Variants in GPR137B observed in about 807,000 individuals in gnomAD.
GPR137B encodes integral membrane protein GPR137B.
A neutral mutation model predicts 42.5 loss-of-function variants in GPR137B; 42 were observed. The ratio of observed to expected loss-of-function variants is 0.99; its 90% CI spans 0.77 to 1.28. GPR137B has a LOEUF of 1.28. Ranked by LOEUF, GPR137B falls within the 50% of genes most tolerant of loss-of-function variation. GPR137B has a pLI of 0.00. For synonymous variants in GPR137B, 218 were observed against 209.7 expected (o/e 1.04, Z -0.34); for missense variants, 487 against 493.9 (o/e 0.99, Z 0.13).
chr1:236,189,148 G>C (rs1663116826), intron 5 of GPR137B, among the ~76,000 whole-genome samples: 1 of 152,144 alleles, frequency 6.6e-6, no homozygotes, highest in Non-Finnish European at 1.5e-5. Flanking sequence ...TTGTATTTCT[G>C]TGGGATTGGT....
rs1405128961 is a variant in GPR137B, at chr1:236,151,417, C to CCTTTTTTTTTTTTTTTTTT, written c.414+8381_414+8382insCTTTTTTTTTTTTTTTTTT. 5.5e-5 allele frequency among the ~76,000 whole-genome samples: 7 copies of CCTTTTTTTTTTTTTTTTTT among 126,570 alleles called. 1 individual carries two copies. Among genetic ancestry groups the CCTTTTTTTTTTTTTTTTTT allele is most frequent in the African/African-American group, 6.1e-5 (2 of 32,916 alleles). 83.0% of individuals were successfully genotyped at this position (126,570 alleles called of 152,430 possible). A position where few individuals can be genotyped will look rare whatever the true frequency, so the allele number is the denominator to read the frequency against. ...CCACATATGGTCTCTGTTGCATATT[C>CCTTTTTTTTTTTTTTTTTT]ATTTTTTTTTTTTTTTTTTTTTTTT... is the stretch of plus-strand genomic sequence containing the variant. On this transcript the variant is annotated intron_variant, in intron 1 of 6. Transcript: ENST00000366592.
At position 236,208,077 on chromosome 1, in the gene GPR137B, A is replaced by T. The variant is rs1428370314; in HGVS notation, c.1119A>T (p.Gly373=). 1 of 1,613,014 alleles carries T rather than the reference A, an allele frequency of 6.2e-7. No homozygotes were observed. Among genetic ancestry groups the T allele is most frequent in the Admixed American group, 1.7e-5 (1 of 60,002 alleles). Reference sequence around the variant, plus strand: ...TTGCTCCAGATTACTATGATTGGGGACAACAAACTAACAGCTTCCTGGCAC... The same window carrying T: ...TTGCTCCAGATTACTATGATTGGGGTCAACAAACTAACAGCTTCCTGGCAC... ...GGFAPDYYDW[G]QQTNSFLAQA... Residue 373 remains glycine, a synonymous_variant, in exon 7 of 7, where the codon GGA becomes GGT. Coordinates refer to ENST00000366592, the MANE Select transcript of GPR137B (RefSeq NM_003272.4).
intron 2 of GPR137B, among the ~76,000 whole-genome samples, chr1:236,174,217 A>G (rs537099405): frequency 6.6e-6 from 1 of 152,338 alleles, no homozygotes; most frequent in African/African-American, 2.4e-5. Context: ...CTTTCCTAAG[A>G]TAATAACAGG....
rs114076753 is a variant in GPR137B at position 236,207,866 on chromosome 1, G to A, written c.1092-184G>A. ...CTCTAAAGAGTTCAGTAGAGTTGTC[G>A]GTGGGCATTTCAGCCCTGTGTGTAG... On this transcript the variant is annotated intron_variant, in intron 6 of 6. Transcript: ENST00000366592. 9.6e-3 allele frequency among the ~76,000 whole-genome samples: 1,459 copies of A among 152,124 alleles called. 22 individuals are homozygous for A. Among genetic ancestry groups the A allele is most frequent in the African/African-American group, 0.034 (1,400 of 41,490 alleles).
Position 236,142,851 on chromosome 1 carries a change from T to G in GPR137B, c.229T>G (p.Tyr77Asp). The G allele has an allele frequency of 6.2e-7, 1 of 1,614,194 alleles. No individual in the cohort carries two copies. The highest frequency in any genetic ancestry group is 1.3e-5 in the African/African-American group (1 of 75,070). Residue 77 changes from tyrosine (Y) to aspartate (D), a missense_variant, in exon 1 of 7, where the codon TAC becomes GAC. Coordinates refer to ENST00000366592, the MANE Select transcript of GPR137B (RefSeq NM_003272.4). ...GCGTTACCGCCACAAGCGGCTCAGC[T>G]ACCAGAGCGTCTTCCTCTTTCTCTG... Reference protein sequence around the residue: ...VLRYRHKRLSYQSVFLFLCLF... With the variant: ...VLRYRHKRLSDQSVFLFLCLF...
chr1:236,148,631 C>CT (rs1661748306), intron 1 of GPR137B, among the ~76,000 whole-genome samples: 2 of 152,244 alleles, frequency 1.3e-5, no homozygotes, highest in African/African-American at 4.8e-5. Context: ...GGGGTCTGGT[C>CT]TGTTCTGTTC....
intron 2 of GPR137B, among the ~76,000 whole-genome samples, chr1:236,173,290 C>CAAA (rs66639028): frequency 1.2e-4 from 10 of 86,446 alleles, no homozygotes; most frequent in African/African-American, 4.4e-4. Context: ...GACCCTGTCT[C>CAAA]AAAAAAAAAA....
intron 1 of GPR137B, among the ~76,000 whole-genome samples, chr1:236,158,175 A>G (rs1340987918): frequency 6.6e-6 from 1 of 152,166 alleles, no homozygotes; most frequent in African/African-American, 2.4e-5. Context: ...TGTAATCCCA[A>G]CACTTTGAGA....
intron 5 of GPR137B, among the ~76,000 whole-genome samples, chr1:236,195,225 T>C (rs1663299058): frequency 9.8e-6 from 1 of 101,632 alleles, no homozygotes. Flanking sequence ...CTAAAATTCT[T>C]TTTTTTTTTT....
At chr1:236,182,843 A>G (rs897662613) in intron 4 of GPR137B, among the ~76,000 whole-genome samples, 2 of 152,168 alleles carry the variant, frequency 1.3e-5, no homozygotes, top group African/African-American at 4.8e-5. Flanking sequence ...GGTTATCTAG[A>G]TGTGTGTTGC....
In GPR137B at chr1:236,179,870, CT is replaced by C; in HGVS notation, c.688-5del. ...GAGTGTCCCATACCTTCTGCTCCCT[CT>C]TTTCCAGGGCTCCTCCGTGTGTCAA... On this transcript the variant is annotated splice_polypyrimidine_tract_variant and splice_region_variant and intron_variant, in intron 3 of 6. Transcript: ENST00000366592. 3.8e-6 allele frequency: 6 copies of C among 1,564,922 alleles called. No homozygotes were observed. Among genetic ancestry groups the C allele is most frequent in the Admixed American group, 1.8e-5 (1 of 54,072 alleles).
intron 2 of GPR137B, 133 bp downstream of exon 2, chr1:236,168,888 T>C (rs1662441305): frequency 2.8e-6 from 2 of 719,766 alleles, no homozygotes; most frequent in South Asian, 3.1e-5. Flanking sequence ...GCTGGCTGGC[T>C]GCCCACATTG....
rs1377211611 is a variant in GPR137B, at chr1:236,156,100, G to A, written c.415-12606G>A. Among the ~76,000 whole-genome samples the A allele has an allele frequency of 6.6e-6, 1 of 152,222 alleles. No individual in the cohort carries two copies. Reference sequence around the variant, plus strand: ...GGAGAAGGCTGCAAACACATCCAGGGAGCTCCGAGGTCTATGGAAATCCAG... The same window carrying A: ...GGAGAAGGCTGCAAACACATCCAGGAAGCTCCGAGGTCTATGGAAATCCAG... On this transcript the variant is annotated intron_variant, in intron 1 of 6. Transcript: ENST00000366592. The surrounding 1 kb of genome is among the most constrained non-coding windows in gnomAD (Gnocchi z 4.8).
chr1:236,161,872 C>G (rs906705236), intron 1 of GPR137B, among the ~76,000 whole-genome samples: 1 of 152,100 alleles, frequency 6.6e-6, no homozygotes, highest in African/African-American at 2.4e-5. Flanking sequence ...TCTTCCTAGT[C>G]TCGGGTATGT....
chr1:236,159,765 C>T (rs556524422), intron 1 of GPR137B, among the ~76,000 whole-genome samples: 2 of 152,352 alleles, frequency 1.3e-5, no homozygotes, highest in South Asian at 2.1e-4. Flanking sequence ...GAAACAAGTA[C>T]GTCACATGCA....
intron 2 of GPR137B, among the ~76,000 whole-genome samples, chr1:236,175,965 TC>T (rs1459738059): frequency 6.6e-6 from 1 of 152,126 alleles, no homozygotes; most frequent in African/African-American, 2.4e-5. Context: ...TGCACAGTGT[TC>T]CATAGTGCAA....
chr1:236,149,004 G>T (rs966984278), intron 1 of GPR137B, among the ~76,000 whole-genome samples: 1 of 152,110 alleles, frequency 6.6e-6, no homozygotes, highest in Non-Finnish European at 1.5e-5. Flanking sequence ...AGGAGATGCC[G>T]TGTGTCCTGA....
At chr1:236,191,909 G>T (rs529265287) in intron 5 of GPR137B, among the ~76,000 whole-genome samples, 2 of 152,332 alleles carry the variant, frequency 1.3e-5, no homozygotes, top group South Asian at 4.1e-4. Flanking sequence ...ATTTAAGTCT[G>T]CTGAAGCTGT....
chr1:236,176,014 A>G (rs1323326063), intron 2 of GPR137B, among the ~76,000 whole-genome samples: 2 of 152,160 alleles, frequency 1.3e-5, no homozygotes, highest in East Asian at 3.9e-4. Flanking sequence ...ACATGAAGCA[A>G]AGAGTGTGTC....
Sources: allele counts gnomAD v4.1 joint callset (sites outside exome capture counted in the v4.1 genomes callset), GRCh38; gene constraint gnomAD v4.1.1; non-coding constraint Gnocchi (gnomAD v3.1); transcripts MANE v1.5; gene names NCBI Gene and HGNC (gene_info 2026-07-23, HGNC 2026-07-21).